The following RCAN2 variants were observed in gnomAD, a reference collection of about 807,000 sequenced individuals.
RCAN2 encodes the protein calcipressin-2.
A neutral mutation model predicts 23.6 loss-of-function variants in RCAN2; 9 were observed. That is an observed-to-expected ratio of 0.38 (90% CI 0.23 to 0.67). RCAN2 has a LOEUF of 0.67. Among genes scored for constraint, RCAN2 ranks in the 30% least tolerant of loss-of-function variants. The pLI, the probability that RCAN2 is intolerant of heterozygous loss-of-function variation, is 0.51. For synonymous variants in RCAN2, 109 were observed against 115.7 expected, an observed-to-expected ratio of 0.94 and a Z score of 0.37; for missense variants, 273 against 302.3, an observed-to-expected ratio of 0.90 and a Z score of 0.72.
chr6:46,315,600 C>G (rs1011471656), intron 2 of RCAN2, among the ~76,000 whole-genome samples: 3 of 152,034 alleles, frequency 2.0e-5, no homozygotes. Flanking sequence ...GTCAGCAGGG[C>G]TGTTGGGGCA....
chr6:46,362,976 A>C (rs1417812916), intron 2 of RCAN2, among the ~76,000 whole-genome samples: 1 of 152,130 alleles, frequency 6.6e-6, no homozygotes, highest in Non-Finnish European at 1.5e-5. Context: ...TTAACTTTTT[A>C]AATTGGACTT....
At chr6:46,489,067 T>G (rs1350768046) in intron 1 of RCAN2, among the ~76,000 whole-genome samples, 1 of 152,158 alleles carries the variant, frequency 6.6e-6, no homozygotes, top group Non-Finnish European at 1.5e-5. Flanking sequence ...CAGTGAAACC[T>G]TTCTAAACAT....
At chr6:46,410,377 G>A (rs900269186) in intron 2 of RCAN2, among the ~76,000 whole-genome samples, 8 of 152,070 alleles carry the variant, frequency 5.3e-5, no homozygotes, top group Non-Finnish European at 5.9e-5. Flanking sequence ...CCGACTTTCT[G>A]GAGAACACTG....
At chr6:46,270,121 G>A (rs957407911) in intron 2 of RCAN2, among the ~76,000 whole-genome samples, 1 of 152,176 alleles carries the variant, frequency 6.6e-6, no homozygotes, top group African/African-American at 2.4e-5. Flanking sequence ...AAGACTGGGG[G>A]CTTGGGCTTG....
intron 2 of RCAN2, among the ~76,000 whole-genome samples, chr6:46,258,354 GGCCAGCC>G (rs1317195243): frequency 1.3e-5 from 2 of 152,180 alleles, no homozygotes; most frequent in African/African-American, 4.8e-5. Context: ...GGATTTCTTA[GGCCAGCC>G]AAACTTGTAT....
At chr6:46,428,087 T>A (rs1265983154) in intron 2 of RCAN2, among the ~76,000 whole-genome samples, 1 of 152,174 alleles carries the variant, frequency 6.6e-6, no homozygotes, top group Non-Finnish European at 1.5e-5. Flanking sequence ...GATGAATCTG[T>A]TAGGGCTAAG....
rs551887204 is a variant in RCAN2, at chr6:46,265,595, G to T, written c.226-16699C>A. Reference sequence around the variant, plus strand: ...CTGGTTATGTAGTCACCAACTGGTTGGTCCTCTGAGTTAGTAATTCTGAAA... The same window carrying T: ...CTGGTTATGTAGTCACCAACTGGTTTGTCCTCTGAGTTAGTAATTCTGAAA... On this transcript the variant is annotated intron_variant, in intron 2 of 4. Transcript: ENST00000371374. Among the ~76,000 whole-genome samples the T allele has an allele frequency of 3.3e-5, 5 of 152,236 alleles. No individual in the cohort carries two copies. In the East Asian group the frequency reaches 9.7e-4, roughly 29 times the overall value.
chr6:46,348,093 G>A (rs937498064), intron 2 of RCAN2, among the ~76,000 whole-genome samples: 6 of 152,136 alleles, frequency 3.9e-5, no homozygotes, highest in African/African-American at 9.7e-5. Flanking sequence ...GATTTCCATC[G>A]ATGGCATATC....
At chr6:46,436,399 G>C (rs376692410) in intron 2 of RCAN2, among the ~76,000 whole-genome samples, 3 of 152,166 alleles carry the variant, frequency 2.0e-5, no homozygotes, top group East Asian at 1.9e-4. Flanking sequence ...ATTTTTAGTA[G>C]AGACGGGGTT....
intron 2 of RCAN2, among the ~76,000 whole-genome samples, chr6:46,382,112 G>A (rs1765628476): frequency 6.6e-6 from 1 of 152,128 alleles, no homozygotes; most frequent in African/African-American, 2.4e-5. Context: ...GGGAGAGCTG[G>A]GCATTAGATT....
intron 2 of RCAN2, among the ~76,000 whole-genome samples, chr6:46,260,514 G>T (rs929311244): frequency 2.0e-5 from 3 of 152,130 alleles, no homozygotes; most frequent in African/African-American, 7.2e-5. Flanking sequence ...TGTCCTGGAA[G>T]CTGTCCAATA....
chr6:46,314,359 C>CA (rs537111154), intron 2 of RCAN2, among the ~76,000 whole-genome samples: 1,476 of 92,104 alleles, frequency 0.016, 33 homozygotes, highest in African/African-American at 0.047. Context: ...GAGACTCTGT[C>CA]AAAAAAAAAA....
At chr6:46,339,014 C>CAAAAAAAAAA (rs3997300) in intron 2 of RCAN2, among the ~76,000 whole-genome samples, 4 of 47,100 alleles carry the variant, frequency 8.5e-5, no homozygotes, top group African/African-American at 1.8e-4. Flanking sequence ...GACCCTGTCT[C>CAAAAAAAAAA]AAAAAAAAAA....
chr6:46,269,688 C>G (rs1260245173), intron 2 of RCAN2, among the ~76,000 whole-genome samples: 1 of 152,086 alleles, frequency 6.6e-6, no homozygotes, highest in Non-Finnish European at 1.5e-5. Flanking sequence ...TAGGCTGAGG[C>G]CTGTGAGTGG....
intron 2 of RCAN2, among the ~76,000 whole-genome samples, chr6:46,346,612 T>C (rs896501665): frequency 2.6e-5 from 4 of 152,086 alleles, no homozygotes; most frequent in African/African-American, 7.2e-5. Flanking sequence ...ATTAGTGTCA[T>C]GGGAAAAGAT....
At chr6:46,402,744 T>C (rs939033885) in intron 2 of RCAN2, among the ~76,000 whole-genome samples, 2 of 152,222 alleles carry the variant, frequency 1.3e-5, no homozygotes, top group African/African-American at 2.4e-5. Flanking sequence ...AACATATTTC[T>C]ACACAGCTGG....
rs535564953 is a variant in RCAN2, at chr6:46,402,987, C to T, written c.225+53765G>A. Among the ~76,000 whole-genome samples, 19 of 149,708 alleles carry T rather than the reference C, an allele frequency of 1.3e-4. No homozygotes were observed. The East Asian group carries it at 2.0e-3, about 16-fold the overall frequency. ...TTGAATTTTTTTTTTTTTTTTGAGA[C>T]GGAGTCTCGCTCTGTTACCCAGGCT... On this transcript the variant is annotated intron_variant, in intron 2 of 4. Coordinates refer to ENST00000371374, the MANE Select transcript of RCAN2 (RefSeq NM_001251974.2).
At chr6:46,461,529 T>C (rs535165873) in intron 1 of RCAN2, among the ~76,000 whole-genome samples, 1 of 152,104 alleles carries the variant, frequency 6.6e-6, no homozygotes, top group South Asian at 2.1e-4. Flanking sequence ...AATACCTTCA[T>C]GCCAGTCTCA....
chr6:46,369,515 G>A (rs1040504207), intron 2 of RCAN2, among the ~76,000 whole-genome samples: 1 of 152,022 alleles, frequency 6.6e-6, no homozygotes, highest in Admixed American at 6.6e-5. Context: ...CGTTAGGATG[G>A]CTACCACATC....
Sources: gnomAD v4.1 joint callset for allele counts (sites outside exome capture counted in the v4.1 genomes callset) on GRCh38, gnomAD v4.1.1 for gene constraint, MANE v1.5 for transcripts, NCBI Gene and HGNC (gene_info 2026-07-23, HGNC 2026-07-21) for gene names.